Variants in RPL31 observed in about 807,000 individuals in gnomAD.
RPL31 encodes the protein ribosomal protein L31.
For synonymous variants in RPL31, 51 were observed against 55.0 expected (o/e 0.93, Z 0.32); for missense variants, 95 against 164.0 (o/e 0.58, Z 2.30).
At chr2:101,011,485 TGAC>T (rs756994592), downstream of RPL31, 66 of 1,613,682 alleles carry the variant, frequency 4.1e-5, no homozygotes, top group Non-Finnish European at 5.5e-5. Context: ...GTCTCGATGT[TGAC>T]AACAGAGGAT....
chr2:101,009,897 C>A (rs1392428360), downstream of RPL31, among the ~76,000 whole-genome samples: 4 of 150,558 alleles, frequency 2.7e-5, no homozygotes, highest in Non-Finnish European at 4.4e-5. Context: ...TCTCGGCTCA[C>A]TGCAAGCTCC....
At chr2:101,019,239 G>A in exon 5 of RPL31, 1 of 491,130 alleles carries the variant, frequency 2.0e-6, no homozygotes, top group South Asian at 4.5e-5. Flanking sequence ...CGACAGGCAA[G>A]TAATAAGACT....
At chr2:101,002,474 G>A (rs1226269366) in intron 1 of RPL31, 159 bp downstream of exon 1, 2 of 583,430 alleles carry the variant, frequency 3.4e-6, no homozygotes, top group Non-Finnish European at 6.2e-6. Context: ...CAGAGCCTGA[G>A]GAAGAAAGTG....
chr2:101,002,581 T>C, intron 1 of RPL31, 121 bp from the exon 2 acceptor site: 1 of 815,234 alleles, frequency 1.2e-6, no homozygotes, highest in Non-Finnish European at 2.0e-6. Context: ...GTGACCGACT[T>C]AGCCTGGCCA....
chr2:101,018,074 T>TAATGGGACTAGATTTTGAATCC, intron 4 of RPL31: 1 of 752,570 alleles, frequency 1.3e-6, no homozygotes. Context: ...CAATCTAGGC[T>TAATGGGACTAGATTTTGAATCC]AATGGGACTA....
At chr2:101,007,888 T>C, downstream of RPL31, 1 of 1,614,066 alleles carries the variant, frequency 6.2e-7, no homozygotes. Flanking sequence ...GAGATTGTAC[T>C]GATTGATCTT....
At chr2:101,011,988 G>C (rs966619797), downstream of RPL31, among the ~76,000 whole-genome samples, 1 of 152,178 alleles carries the variant, frequency 6.6e-6, no homozygotes, top group Non-Finnish European at 1.5e-5. Flanking sequence ...ACATACTGCT[G>C]TACTTACACG....
chr2:101,011,017 A>C, downstream of RPL31: 1 of 1,612,384 alleles, frequency 6.2e-7, no homozygotes, highest in Non-Finnish European at 8.5e-7. Flanking sequence ...CTGATAATCA[A>C]CTGCATCACC....
Position 101,004,245 on chromosome 2 carries a change from C to T in RPL31, c.195C>T (p.Asp65=). The change falls in exon 3 of 5, where the codon GAC becomes GAT. Residue 65 remains aspartate (D), a synonymous_variant. Coordinates refer to ENST00000264258, the MANE Select transcript of RPL31 (RefSeq NM_000993.5). ...TGGGAACTCCAGATGTGCGCATTGA[C>T]ACCAGGCTCAACAAAGCTGTCTGGG... ...KEMGTPDVRI[D]TRLNKAVWAK... 3 of 1,614,162 alleles carry T rather than the reference C, an allele frequency of 1.9e-6. No homozygotes were observed. The highest frequency in any genetic ancestry group is 1.7e-5 in the Admixed American group (1 of 60,018).
At chr2:101,008,700 T>C (rs1337115876), downstream of RPL31, among the ~76,000 whole-genome samples, 1 of 151,784 alleles carries the variant, frequency 6.6e-6, no homozygotes, top group East Asian at 1.9e-4. Flanking sequence ...CAATCCCAGC[T>C]ACTTGGGAGG....
chr2:101,010,994 G>A (rs1286879752), downstream of RPL31: 1 of 1,612,788 alleles, frequency 6.2e-7, no homozygotes. Flanking sequence ...TTAATCATCT[G>A]CTTCAGCTGT....
chr2:101,005,768 C>T, intron 3 of RPL31, 191 bp from the exon 4 acceptor site: 2 of 595,746 alleles, frequency 3.4e-6, no homozygotes, highest in Admixed American at 6.7e-5. Context: ...AAGCATCCCT[C>T]CTGTGGTAAC....
intron 4 of RPL31, 138 bp downstream of exon 4, chr2:101,006,209 A>G (rs937843233): frequency 5.3e-6 from 8 of 1,509,448 alleles, no homozygotes; most frequent in Middle Eastern, 1.7e-4. Flanking sequence ...GGAAGATGCT[A>G]AAGAATGCAA....
exon 5 of RPL31, chr2:101,019,495 C>G (rs1223018750): frequency 6.5e-6 from 1 of 153,184 alleles, no homozygotes; most frequent in Non-Finnish European, 1.5e-5. Flanking sequence ...TGTCTGCACT[C>G]TAGCTTTTTT....
chr2:101,017,915 CAAG>C (rs901528144), intron 4 of RPL31: 22 of 1,550,806 alleles, frequency 1.4e-5, no homozygotes, highest in Admixed American at 2.0e-5. Flanking sequence ...AGAAACCGAA[CAAG>C]AAGAGGAAAG....
chr2:101,017,091 GACAA>G (rs1206577329), intron 4 of RPL31, among the ~76,000 whole-genome samples: 1 of 92,942 alleles, frequency 1.1e-5, no homozygotes, highest in Non-Finnish European at 2.7e-5. Flanking sequence ...AAAAAAAAAA[GACAA>G]ACACGCACAT....
At chr2:101,017,833 A>G (rs900145158) in intron 4 of RPL31, 1 of 1,550,324 alleles carries the variant, frequency 6.5e-7, no homozygotes, top group Non-Finnish European at 8.7e-7. Flanking sequence ...CTAACAGTGA[A>G]GCAGCTACAT....
At chr2:101,009,248 CAAAA>C (rs1330107082), downstream of RPL31, among the ~76,000 whole-genome samples, 1 of 151,540 alleles carries the variant, frequency 6.6e-6, no homozygotes, top group East Asian at 1.9e-4. Context: ...ATTAAAAATA[CAAAA>C]AAAATTAGCC....
chr2:101,002,952 C>CGACCACCGAGA, intron 2 of RPL31, 144 bp downstream of exon 2: 2 of 652,134 alleles, frequency 3.1e-6, no homozygotes, highest in East Asian at 2.7e-5. Flanking sequence ...ATCCTGTGGG[C>CGACCACCGAGA]TCTACCCTCC....
Sources: allele counts gnomAD v4.1 joint callset (sites outside exome capture counted in the v4.1 genomes callset), GRCh38; gene constraint gnomAD v4.1.1; transcripts MANE v1.5; gene names NCBI Gene and HGNC (gene_info 2026-07-23, HGNC 2026-07-21).